Variants in LRRTM4 observed in about 807,000 individuals in gnomAD.
The protein encoded by LRRTM4 is leucine rich repeat transmembrane neuronal 4.
In LRRTM4, 25 loss-of-function variants were observed where a neutral mutation model predicts 47.6. The observed-to-expected ratio is 0.53, with a 90% CI of 0.38 to 0.73. The LOEUF is 0.73. LRRTM4 is among the 30% of genes least tolerant of loss of function. The pLI is 0.00. For missense variants in LRRTM4, 638 were observed against 713.4 expected, an observed-to-expected ratio of 0.89 and a Z score of 1.20; for synonymous variants, 311 against 269.5, an observed-to-expected ratio of 1.15 and a Z score of -1.51.
chr2:76,989,809 T>TC (rs1326945516), intron 3 of LRRTM4: 10 of 152,006 alleles, frequency 6.6e-5, no homozygotes, highest in South Asian at 2.1e-4. Context: ...CTTCTTTTTT[T>TC]CCATCTTAAA....
In LRRTM4 at chr2:76,917,421, G is replaced by C. The variant is rs556861477; in HGVS notation, c.1552-168505C>G. ...GTATATGTATTGTGCATCTCCATTGGAGGAGTTAACTCCCTCTATTAAAAT... is the reference window on the plus strand; with the variant it reads ...GTATATGTATTGTGCATCTCCATTGCAGGAGTTAACTCCCTCTATTAAAAT... On this transcript the variant is annotated intron_variant, in intron 3 of 3. Coordinates refer to ENST00000409884, the MANE Select transcript of LRRTM4 (RefSeq NM_001134745.3). 2.7e-4 allele frequency among the ~76,000 whole-genome samples: 41 copies of C among 152,194 alleles called. No individual in the cohort carries two copies. In the South Asian group the frequency reaches 8.1e-3, roughly 30 times the overall value.
At chr2:77,339,671 C>T (rs78645082) in intron 3 of LRRTM4, among the ~76,000 whole-genome samples, 11 of 152,108 alleles carry the variant, frequency 7.2e-5, no homozygotes, top group African/African-American at 2.6e-4. Flanking sequence ...CTGTATTACA[C>T]TGATTCCCTC....
intron 3 of LRRTM4, among the ~76,000 whole-genome samples, chr2:76,780,643 T>G (rs891172938): frequency 1.6e-4 from 25 of 152,200 alleles, no homozygotes; most frequent in African/African-American, 6.0e-4. Context: ...TATTGGTTAT[T>G]CTAGTAATAC....
chr2:77,501,973 T>C (rs1436826464), intron 3 of LRRTM4, among the ~76,000 whole-genome samples: 1 of 151,336 alleles, frequency 6.6e-6, no homozygotes, highest in African/African-American at 2.4e-5. Context: ...AGAAAATAAA[T>C]TGAAATATCA....
intron 3 of LRRTM4, among the ~76,000 whole-genome samples, chr2:76,874,594 C>G (rs1672726641): frequency 6.7e-6 from 1 of 150,358 alleles, no homozygotes; most frequent in East Asian, 2.0e-4. Context: ...ATGAAGGGAC[C>G]ACTGTTTATT....
At chr2:77,500,374 G>A (rs115833655) in intron 3 of LRRTM4, among the ~76,000 whole-genome samples, 107 of 151,722 alleles carry the variant, frequency 7.1e-4, no homozygotes, top group African/African-American at 2.5e-3. Flanking sequence ...CTAAAAAATA[G>A]CACCATTGGA....
Position 76,765,075 on chromosome 2 carries a change from A to C in LRRTM4, c.1552-16159T>G, listed in dbSNP as rs529361450. 2.0e-5 allele frequency among the ~76,000 whole-genome samples: 3 copies of C among 152,324 alleles called. No homozygotes were observed. The South Asian group carries it at 6.2e-4, about 32-fold the overall frequency. On this transcript the variant is annotated intron_variant, in intron 3 of 3. Transcript: ENST00000409884. ...CTGGAAAGTCAGGAATTGAGCCAAAAAAGATTATTTTTGAGACTTAATATC... is the reference window on the plus strand; with the variant it reads ...CTGGAAAGTCAGGAATTGAGCCAAACAAGATTATTTTTGAGACTTAATATC...
Position 77,103,673 on chromosome 2 carries a change from A to C in LRRTM4, c.1552-354757T>G, listed in dbSNP as rs545071474. 1.0e-3 allele frequency among the ~76,000 whole-genome samples: 155 copies of C among 147,874 alleles called. 2 individuals carry two copies. The highest frequency in any genetic ancestry group is 3.6e-3 in the Middle Eastern group (1 of 280). On this transcript the variant is annotated intron_variant, in intron 3 of 3. Coordinates refer to ENST00000409884, the MANE Select transcript of LRRTM4 (RefSeq NM_001134745.3). ...TATATATATATATATAGATATATAT[A>C]TCACATATATGTATATATACATAGG...
intron 3 of LRRTM4, among the ~76,000 whole-genome samples, chr2:77,249,143 A>G (rs934292985): frequency 3.3e-5 from 5 of 152,026 alleles, no homozygotes; most frequent in African/African-American, 1.2e-4. Context: ...TGAGGTTGGT[A>G]GTTTGAGACC....
At chr2:77,128,395 CAGATAGATAGAT>C in intron 3 of LRRTM4, among the ~76,000 whole-genome samples, 1 of 150,436 alleles carries the variant, frequency 6.6e-6, no homozygotes, top group East Asian at 2.0e-4. Context: ...AATTCTGTAA[CAGATAGATAGAT>C]AGATAGATAG....
chr2:76,961,405 G>GA (rs75719418), intron 3 of LRRTM4, among the ~76,000 whole-genome samples: 1,791 of 144,464 alleles, frequency 0.012, 112 homozygotes, highest in Admixed American at 0.1. Flanking sequence ...ATACATCAAA[G>GA]AAAAAAAAAA....
At chr2:76,995,035 T>C (rs931082067) in intron 3 of LRRTM4, among the ~76,000 whole-genome samples, 6 of 152,018 alleles carry the variant, frequency 3.9e-5, no homozygotes, top group Non-Finnish European at 5.9e-5. Flanking sequence ...AACTGACAAG[T>C]CTGTCTTATT....
intron 3 of LRRTM4, among the ~76,000 whole-genome samples, chr2:76,938,603 A>G (rs574079923): frequency 8.8e-4 from 134 of 152,224 alleles, no homozygotes; most frequent in African/African-American, 2.9e-3. Flanking sequence ...ATGAGATACT[A>G]CATTTCAAGT....
intron 3 of LRRTM4, among the ~76,000 whole-genome samples, chr2:77,205,784 A>C (rs1025786541): frequency 1.3e-5 from 2 of 152,316 alleles, no homozygotes; most frequent in East Asian, 1.9e-4. Flanking sequence ...TTGCTGAATG[A>C]GCACATTTTA....
intron 3 of LRRTM4, among the ~76,000 whole-genome samples, chr2:77,468,596 A>T (rs538782218): frequency 6.6e-6 from 1 of 152,326 alleles, no homozygotes; most frequent in Non-Finnish European, 1.5e-5. Flanking sequence ...GGCAGTCCCC[A>T]TGCAGCACGG....
At chr2:76,791,633 ACTTTCTTAAGCT>A (rs1674978617) in intron 3 of LRRTM4, among the ~76,000 whole-genome samples, 1 of 152,130 alleles carries the variant, frequency 6.6e-6, no homozygotes, top group African/African-American at 2.4e-5. Context: ...TATACACAAA[ACTTTCTTAAGCT>A]GTGAGAACCA....
chr2:76,906,548 T>C (rs978090660), intron 3 of LRRTM4, among the ~76,000 whole-genome samples: 25 of 152,210 alleles, frequency 1.6e-4, no homozygotes, highest in African/African-American at 5.3e-4. Flanking sequence ...AGACACAGAC[T>C]GGCAAATTGG....
At chr2:76,904,355 G>C (rs904329904) in intron 3 of LRRTM4, among the ~76,000 whole-genome samples, 2 of 152,150 alleles carry the variant, frequency 1.3e-5, no homozygotes, top group South Asian at 2.1e-4. Context: ...ATTGTTATTC[G>C]AGGAAGAAAC....
At chr2:76,917,260 C>T (rs1227606917) in intron 3 of LRRTM4, among the ~76,000 whole-genome samples, 1 of 152,146 alleles carries the variant, frequency 6.6e-6, no homozygotes, top group African/African-American at 2.4e-5. Context: ...TTGACTGGGC[C>T]TGTGGAGTGT....
Sources: allele counts gnomAD v4.1 joint callset (sites outside exome capture counted in the v4.1 genomes callset), GRCh38; gene constraint gnomAD v4.1.1; transcripts MANE v1.5; gene names NCBI Gene and HGNC (gene_info 2026-07-23, HGNC 2026-07-21).